Variants in CTNNA2 observed in about 807,000 individuals in gnomAD.
CTNNA2 encodes the protein catenin alpha-2.
In CTNNA2, 42 loss-of-function variants were observed where a neutral mutation model predicts 101.0. That is an observed-to-expected ratio of 0.42 (90% CI 0.32 to 0.54). The LOEUF is 0.54. Among genes scored for constraint, CTNNA2 ranks in the 20% least tolerant of loss-of-function variants. The pLI is 0.14. For missense variants in CTNNA2, 871 were observed against 1,223.1 expected, an observed-to-expected ratio of 0.71 and a Z score of 4.29; for synonymous variants, 450 against 456.4, an observed-to-expected ratio of 0.99 and a Z score of 0.18.
chr2:79,850,718 G>A (rs1027729526), intron 3 of CTNNA2, among the ~76,000 whole-genome samples: 2 of 152,106 alleles, frequency 1.3e-5, no homozygotes, highest in Non-Finnish European at 2.9e-5. Flanking sequence ...TCTTTTCTGT[G>A]TTCAGTTTCC....
chr2:79,838,103 T>A (rs1311301769), intron 3 of CTNNA2, among the ~76,000 whole-genome samples: 1 of 152,130 alleles, frequency 6.6e-6, no homozygotes, highest in East Asian at 1.9e-4. Flanking sequence ...TATACTATAC[T>A]CAGTAAATGG....
At chr2:79,775,019 G>A (rs1213862408) in intron 3 of CTNNA2, among the ~76,000 whole-genome samples, 1 of 152,130 alleles carries the variant, frequency 6.6e-6, no homozygotes, top group African/African-American at 2.4e-5. Flanking sequence ...GGTTAATACT[G>A]CTGAGCTTAT....
intron 9 of CTNNA2, among the ~76,000 whole-genome samples, chr2:80,453,535 G>T (rs531700917): frequency 6.6e-6 from 1 of 152,116 alleles, no homozygotes; most frequent in South Asian, 2.1e-4. Context: ...ATTCGCTCAC[G>T]TAATTCTGTT....
chr2:80,362,995 A>G (rs1463691355), intron 7 of CTNNA2, among the ~76,000 whole-genome samples: 1 of 117,814 alleles, frequency 8.5e-6, no homozygotes, highest in Non-Finnish European at 1.6e-5. Context: ...ACATAGCAAG[A>G]CATCGTCTCA....
At chr2:80,577,540 C>G (rs1695160742) in intron 13 of CTNNA2, among the ~76,000 whole-genome samples, 1 of 152,072 alleles carries the variant, frequency 6.6e-6, no homozygotes, top group Non-Finnish European at 1.5e-5. Flanking sequence ...CTGACTTAGA[C>G]CTTAAAAGGA....
At chr2:79,981,250 C>T (rs964511463) in intron 7 of CTNNA2, among the ~76,000 whole-genome samples, 5 of 151,968 alleles carry the variant, frequency 3.3e-5, no homozygotes, top group South Asian at 2.1e-4. Context: ...TTTTTAAGCA[C>T]GCATTTTTAG....
chr2:79,613,270 C>T (rs1338525980), intron 1 of CTNNA2, among the ~76,000 whole-genome samples: 1 of 151,482 alleles, frequency 6.6e-6, no homozygotes, highest in Non-Finnish European at 1.5e-5. Context: ...ATCAGACTCA[C>T]AGATTTTCTG....
At chr2:79,739,895 T>G (rs764967602) in intron 2 of CTNNA2, among the ~76,000 whole-genome samples, 5 of 152,200 alleles carry the variant, frequency 3.3e-5, no homozygotes, top group Admixed American at 6.5e-5. Flanking sequence ...CTAACTGACT[T>G]GAGAGGTAGT....
chr2:79,446,055 T>G (rs1414271678), intron 4 of CTNNA2, among the ~76,000 whole-genome samples: 3 of 152,088 alleles, frequency 2.0e-5, no homozygotes, highest in Non-Finnish European at 4.4e-5. Context: ...AAACTCAGCT[T>G]GAGTTCAAAT....
intron 2 of CTNNA2, among the ~76,000 whole-genome samples, chr2:79,239,341 C>A (rs1014440689): frequency 6.6e-6 from 1 of 152,088 alleles, no homozygotes; most frequent in African/African-American, 2.4e-5. Context: ...CTTCTACAAA[C>A]CTGACAAAAA....
intron 7 of CTNNA2, among the ~76,000 whole-genome samples, chr2:80,086,099 A>C (rs1573032417): frequency 6.6e-6 from 1 of 152,108 alleles, no homozygotes; most frequent in East Asian, 1.9e-4. Flanking sequence ...GAAGACAATA[A>C]GGTGATTTGG....
intron 1 of CTNNA2, chr2:79,514,820 G>A (rs1671722364): frequency 6.6e-6 from 1 of 152,206 alleles, no homozygotes; most frequent in Admixed American, 6.5e-5. Flanking sequence ...GAGTATGTGT[G>A]AGGGACCAAA....
intron 7 of CTNNA2, among the ~76,000 whole-genome samples, chr2:79,998,009 A>G (rs1394949580): frequency 6.6e-6 from 1 of 152,182 alleles, no homozygotes. Context: ...GGTGAACACT[A>G]AAATCCTAAT....
chr2:79,921,579 A>G (rs1271852351), intron 7 of CTNNA2, among the ~76,000 whole-genome samples: 4 of 152,170 alleles, frequency 2.6e-5, no homozygotes, highest in African/African-American at 9.6e-5. Flanking sequence ...CATCCTACTC[A>G]TCTACTTTTC....
At chr2:80,620,622 G>T (rs542043444) in intron 18 of CTNNA2, among the ~76,000 whole-genome samples, 1 of 152,008 alleles carries the variant, frequency 6.6e-6, no homozygotes, top group African/African-American at 2.4e-5. Context: ...TGCAATGTGG[G>T]CAATAATGCC....
chr2:79,412,038 G>A (rs923251668), intron 4 of CTNNA2, among the ~76,000 whole-genome samples: 1 of 152,012 alleles, frequency 6.6e-6, no homozygotes, highest in Non-Finnish European at 1.5e-5. Context: ...CAAAATAAAA[G>A]GATGGAGGAA....
intron 9 of CTNNA2, among the ~76,000 whole-genome samples, chr2:80,507,621 A>C (rs1688376956): frequency 6.6e-6 from 1 of 152,178 alleles, no homozygotes; most frequent in Admixed American, 6.6e-5. Context: ...TATTCACATA[A>C]TCTATTTTGT....
At chr2:80,276,336 C>T (rs957097350) in intron 7 of CTNNA2, among the ~76,000 whole-genome samples, 2 of 152,136 alleles carry the variant, frequency 1.3e-5, no homozygotes, top group African/African-American at 4.8e-5. Context: ...TGTCCTCAAG[C>T]CACTTGGATT....
At position 80,184,964 on chromosome 2, in the gene CTNNA2, C is replaced by G. The variant is rs145014582; in HGVS notation, c.1057-208247C>G. On this transcript the variant is annotated intron_variant, in intron 7 of 18. Transcript: ENST00000402739. ...TCCCATAGCATAGTTCTTCTGTATG[C>G]TAGTATATTGGCACTGCTATTTGCT... 1.7e-4 allele frequency among the ~76,000 whole-genome samples: 26 copies of G among 152,278 alleles called. No individual in the cohort carries two copies. The East Asian group carries it at 5.0e-3, about 29-fold the overall frequency.
Sources: gnomAD v4.1 joint callset for allele counts (sites outside exome capture counted in the v4.1 genomes callset) on GRCh38, gnomAD v4.1.1 for gene constraint, MANE v1.5 for transcripts, NCBI Gene and HGNC (gene_info 2026-07-23, HGNC 2026-07-21) for gene names.